The following SAE1 variants were observed in gnomAD, a reference collection of about 807,000 sequenced individuals.
The protein encoded by SAE1 is SUMO1 activating enzyme subunit 1, also known as SUMO-activating enzyme subunit 1.
In SAE1, 11 loss-of-function variants were observed where a neutral mutation model predicts 40.6. The observed-to-expected ratio is 0.27, with a 90% CI of 0.17 to 0.45. The LOEUF is 0.45. Ranked by LOEUF, SAE1 falls within the 20% of genes least tolerant of loss-of-function variation. SAE1 has a pLI of 1.00. For synonymous variants in SAE1, 155 were observed against 154.3 expected (o/e 1.00, Z -0.03); for missense variants, 373 against 427.3 (o/e 0.87, Z 1.12).
intron 6 of SAE1, among the ~76,000 whole-genome samples, chr19:47,191,260 A>C (rs764531550): frequency 1.1e-4 from 16 of 152,058 alleles, no homozygotes; most frequent in Non-Finnish European, 2.1e-4. Flanking sequence ...AAAATACAAA[A>C]GTTATTTGGG....
At chr19:47,163,155 A>G (rs1444259765) in intron 5 of SAE1, among the ~76,000 whole-genome samples, 1 of 152,056 alleles carries the variant, frequency 6.6e-6, no homozygotes, top group Non-Finnish European at 1.5e-5. Flanking sequence ...TTTAATACAG[A>G]TAATATATAT....
Position 47,210,270 on chromosome 19 carries a change from GCTCT to G in SAE1, c.*1020_*1023del, listed in dbSNP as rs2058707083. On this transcript the variant is annotated 3_prime_UTR_variant, in exon 9 of 9. Coordinates refer to ENST00000270225, the MANE Select transcript of SAE1 (RefSeq NM_005500.3). Reference sequence around the variant, plus strand: ...TACCAGTTGCCTTTTCAGACCTGAGGCTCTAACTCAAGAGATTCCTCCTCTCCCT... The same window carrying G: ...TACCAGTTGCCTTTTCAGACCTGAGGAACTCAAGAGATTCCTCCTCTCCCT... The G allele has an allele frequency of 6.6e-6, 1 of 152,108 alleles. No individual in the cohort carries two copies. Among genetic ancestry groups the G allele is most frequent in the Admixed American group, 6.6e-5 (1 of 15,254 alleles). The allele number at this position is 152,108 out of a possible 1,614,324, so 9.4% of individuals were successfully genotyped here. A position where few individuals can be genotyped will look rare whatever the true frequency, so the allele number is the denominator to read the frequency against.
intron 1 of SAE1, among the ~76,000 whole-genome samples, chr19:47,132,122 C>T (rs887486936): frequency 1.3e-5 from 2 of 152,014 alleles, no homozygotes; most frequent in African/African-American, 4.8e-5. Context: ...GCCACCATGC[C>T]TGGCTAATTT....
intron 1 of SAE1, chr19:47,131,247 G>GCT (rs2058140179): frequency 1.6e-6 from 2 of 1,219,772 alleles, no homozygotes; most frequent in Non-Finnish European, 2.1e-6. Context: ...AAGGATGGGA[G>GCT]CTCTGAAGGG....
At chr19:47,190,314 G>A (rs1320900623) in intron 6 of SAE1, among the ~76,000 whole-genome samples, 1 of 152,044 alleles carries the variant, frequency 6.6e-6, no homozygotes, top group Non-Finnish European at 1.5e-5. Flanking sequence ...ACTGGTGGGA[G>A]GTGCTCTTCA....
At chr19:47,197,672 T>A (rs2058625007) in intron 7 of SAE1, among the ~76,000 whole-genome samples, 1 of 152,224 alleles carries the variant, frequency 6.6e-6, no homozygotes, top group Non-Finnish European at 1.5e-5. Flanking sequence ...GATCTTGTTA[T>A]CTCTTGGGGA....
chr19:47,173,605 G>A (rs895801549), intron 6 of SAE1, among the ~76,000 whole-genome samples: 6 of 151,940 alleles, frequency 3.9e-5, no homozygotes, highest in Middle Eastern at 3.2e-3. Flanking sequence ...GGACTGTCCT[G>A]TGCACTGTGG....
intron 6 of SAE1, among the ~76,000 whole-genome samples, chr19:47,195,524 G>T (rs2058608209): frequency 6.6e-6 from 1 of 152,046 alleles, no homozygotes; most frequent in African/African-American, 2.4e-5. Context: ...TCATAGTAAA[G>T]GAAGTTTTGT....
intron 6 of SAE1, among the ~76,000 whole-genome samples, chr19:47,171,143 T>G (rs1382129693): frequency 6.6e-6 from 1 of 150,386 alleles, no homozygotes; most frequent in Non-Finnish European, 1.5e-5. Flanking sequence ...CCCAGCTAAT[T>G]TTTATATTTT....
rs184115446 is a variant in SAE1 at position 47,209,505 on chromosome 19, C to A, written c.*254C>A. 1.7e-6 allele frequency: 1 copy of A among 593,424 alleles called. No homozygotes were observed. Among genetic ancestry groups the A allele is most frequent in the African/African-American group, 1.9e-5 (1 of 53,512 alleles). 36.8% of individuals were successfully genotyped at this position (593,424 alleles called of 1,614,324 possible). A position where few individuals can be genotyped will look rare whatever the true frequency, so the allele number is the denominator to read the frequency against. On this transcript the variant is annotated 3_prime_UTR_variant, in exon 9 of 9. Coordinates refer to ENST00000270225, the MANE Select transcript of SAE1 (RefSeq NM_005500.3). The stretch of plus-strand genomic sequence containing the variant: ...GCCTGTCATCCCGGGCCTGCCAGCT[C>A]CCCTGAGTGATGAGCACTTCCAAGC...
At chr19:47,186,330 A>C (rs532935931) in intron 6 of SAE1, among the ~76,000 whole-genome samples, 87 of 152,024 alleles carry the variant, frequency 5.7e-4, no homozygotes, top group African/African-American at 2.0e-3. Context: ...TGGTAAGTAC[A>C]ATGCAAATAT....
At chr19:47,176,894 G>C (rs1022102333) in intron 6 of SAE1, among the ~76,000 whole-genome samples, 1 of 152,044 alleles carries the variant, frequency 6.6e-6, no homozygotes, top group Non-Finnish European at 1.5e-5. Context: ...GTTTCCTGTG[G>C]CAAAAAAATG....
At chr19:47,153,691 T>TA (rs1370720325) in intron 4 of SAE1, among the ~76,000 whole-genome samples, 1 of 152,174 alleles carries the variant, frequency 6.6e-6, no homozygotes. Flanking sequence ...TTCTTGCCTG[T>TA]AAAATCAAGA....
At chr19:47,200,924 C>G (rs757668584) in intron 7 of SAE1, among the ~76,000 whole-genome samples, 41 of 152,146 alleles carry the variant, frequency 2.7e-4, no homozygotes, top group Non-Finnish European at 5.0e-4. Context: ...GTGGCATGAT[C>G]TCGGCTCACT....
intron 1 of SAE1, among the ~76,000 whole-genome samples, chr19:47,137,306 T>C (rs902729919): frequency 3.3e-5 from 5 of 152,080 alleles, no homozygotes; most frequent in African/African-American, 1.2e-4. Context: ...GAGAATTGTT[T>C]GAATCCAGGA....
intron 6 of SAE1, among the ~76,000 whole-genome samples, chr19:47,182,377 T>A (rs1334941974): frequency 6.6e-6 from 1 of 151,932 alleles, no homozygotes; most frequent in East Asian, 1.9e-4. Context: ...GTTCCGATAA[T>A]GGGGCAGCAG....
intron 7 of SAE1, among the ~76,000 whole-genome samples, chr19:47,201,027 T>A (rs922616999): frequency 2.0e-5 from 3 of 151,062 alleles, no homozygotes; most frequent in African/African-American, 7.4e-5. Context: ...CCAGCTATTT[T>A]TTTTTATTTT....
At chr19:47,131,591 G>A (rs1164080299) in intron 1 of SAE1, among the ~76,000 whole-genome samples, 1 of 152,122 alleles carries the variant, frequency 6.6e-6, no homozygotes, top group Non-Finnish European at 1.5e-5. Context: ...GAGGCTGGAG[G>A]GGGACGGCCG....
intron 8 of SAE1, among the ~76,000 whole-genome samples, chr19:47,204,055 T>C (rs2058670688): frequency 6.6e-6 from 1 of 152,006 alleles, no homozygotes. Flanking sequence ...TTCTCATAGC[T>C]CTATAAGTGA....
Sources: gnomAD v4.1 joint callset for allele counts (sites outside exome capture counted in the v4.1 genomes callset) on GRCh38, gnomAD v4.1.1 for gene constraint, MANE v1.5 for transcripts, NCBI Gene and HGNC (gene_info 2026-07-23, HGNC 2026-07-21) for gene names.